NEK9: variants seen among roughly 807,000 people sequenced by gnomAD.
The protein encoded by NEK9 is serine/threonine-protein kinase Nek9.
In NEK9, 75 loss-of-function variants were observed where a neutral mutation model predicts 123.4. The observed-to-expected ratio is 0.61, with a 90% CI of 0.50 to 0.74. The LOEUF (loss-of-function observed/expected upper bound fraction) is 0.74. Among genes scored for constraint, NEK9 ranks in the 30% least tolerant of loss-of-function variants. The probability of loss-of-function intolerance (pLI) is 0.00; values close to 1 mark genes in which losing one functional copy is unlikely to be tolerated. For missense variants in NEK9, 952 were observed against 1,214.4 expected, an observed-to-expected ratio of 0.78 and a Z score of 3.21; for synonymous variants, 438 against 458.7, an observed-to-expected ratio of 0.95 and a Z score of 0.58.
intron 7 of NEK9, 106 bp downstream of exon 7, chr14:75,114,097 G>T: frequency 1.4e-6 from 1 of 737,876 alleles, no homozygotes; most frequent in East Asian, 2.6e-5. Flanking sequence ...ACTCTACCCT[G>T]GGGAAGTGGA....
Position 75,084,650 on chromosome 14 carries a change from C to T in NEK9, c.2854G>A (p.Glu952Lys), listed in dbSNP as rs766946654. The change falls in exon 22 of 22, where the codon GAA becomes AAA. Residue 952 changes from glutamate (E) to lysine (K), a missense_variant. By Grantham distance (56) the Glu-to-Lys change is moderately conservative. Around this residue, in one of 4 missense-constraint regions of NEK9, gnomAD observed 698 missense variants for 875.6 expected, o/e 0.80. Coordinates refer to ENST00000238616, the MANE Select transcript of NEK9 (RefSeq NM_033116.6). ...MHSKGTQTAK[E>K]EMEMDPKPDL... is the part of the protein sequence containing the mutation. ...GGCTTTGGATCCATTTCCATCTCTTCCTTTGCTGTCTGAGTTCCTTTGGAA... is the reference window on the plus strand; with the variant it reads ...GGCTTTGGATCCATTTCCATCTCTTTCTTTGCTGTCTGAGTTCCTTTGGAA... 1.9e-6 allele frequency: 3 copies of T among 1,614,160 alleles called. No individual in the cohort carries two copies. Among genetic ancestry groups the T allele is most frequent in the South Asian group, 1.1e-5 (1 of 91,088 alleles).
chr14:75,117,960 G>A (rs1452950107), intron 5 of NEK9, among the ~76,000 whole-genome samples: 2 of 152,154 alleles, frequency 1.3e-5, no homozygotes, highest in Admixed American at 1.3e-4. Flanking sequence ...GCAAAGCAAA[G>A]CAAATTTCAG....
chr14:75,091,437 C>T lies in NEK9; in HGVS notation c.2275G>A (p.Gly759Ser), dbSNP rs777758507. The change falls in exon 19 of 22, where the codon GGT becomes AGT. Residue 759 changes from glycine (G) to serine (S), a missense_variant. Gly to Ser is a moderately conservative substitution (Grantham distance 56, BLOSUM62 0). Transcript: ENST00000238616. ...TGCTGACTGTCCTCTTCTTCACCAC[C>T]GCCGCCCCCGCCGCCTCCTCCCGGG... ...SSPGGGGGGG[G>S]GEEEDSQQES... 94 of 1,606,454 alleles carry T rather than the reference C, an allele frequency of 5.9e-5. No homozygotes were observed. The highest frequency in any genetic ancestry group is 5.8e-4 in the East Asian group (26 of 44,836).
chr14:75,107,449 G>A lies in NEK9; in HGVS notation c.1221C>T (p.Gly407=), dbSNP rs769438351. 8 of 1,613,122 alleles carry A rather than the reference G, an allele frequency of 5.0e-6. No homozygotes were observed. In the South Asian group the frequency reaches 8.8e-5, roughly 18 times the overall value. Residue 407 remains glycine (G), a synonymous_variant, in exon 11 of 22, where the codon GGC becomes GGT. Transcript: ENST00000238616. ...GTCGATAGGAGGCTTTGTCTCCATG[G>A]CCCAGCTGACCATGGAGTTTAGTGC... ...QGGTKLHGQL[G]HGDKASYRQP...
At chr14:75,119,243 G>T (rs1195953996) in intron 4 of NEK9, among the ~76,000 whole-genome samples, 1 of 151,950 alleles carries the variant, frequency 6.6e-6, no homozygotes, top group Non-Finnish European at 1.5e-5. Flanking sequence ...AGCCCAGGAG[G>T]CTGAGGCTGC....
chr14:75,124,348 T>C (rs540740495), intron 1 of NEK9, 125 bp from the exon 2 acceptor site: 5 of 746,262 alleles, frequency 6.7e-6, no homozygotes, highest in South Asian at 2.0e-5. Context: ...TCTTATTTTT[T>C]CCTTTTAACA....
intron 16 of NEK9, among the ~76,000 whole-genome samples, chr14:75,099,149 A>C (rs1217502009): frequency 6.6e-6 from 1 of 152,172 alleles, no homozygotes; most frequent in Non-Finnish European, 1.5e-5. Context: ...AAAGTTGATG[A>C]GTCAAAAGAT....
At chr14:75,116,263 T>C (rs566874179) in intron 6 of NEK9, among the ~76,000 whole-genome samples, 2 of 152,220 alleles carry the variant, frequency 1.3e-5, no homozygotes, top group South Asian at 2.1e-4. Context: ...TTGGGTAACA[T>C]AGTGAGAACC....
At chr14:75,114,990 TATATACACACATACATATACACACAC>T (rs1360924085) in intron 6 of NEK9, among the ~76,000 whole-genome samples, 1 of 151,650 alleles carries the variant, frequency 6.6e-6, no homozygotes, top group Non-Finnish European at 1.5e-5. Context: ...TATATACACA[TATATACACACATACATATACACACAC>T]ATATATGTGT....
At chr14:75,109,556 GCTTCCATTCCATCACCC>G (rs1352647570) in intron 10 of NEK9, 112 bp downstream of exon 10, 1 of 779,718 alleles carries the variant, frequency 1.3e-6, no homozygotes, top group African/African-American at 1.8e-5. Flanking sequence ...TCTTATAAGA[GCTTCCATTCCATCACCC>G]CATGTTGCCA....
chr14:75,082,902 A>C lies in NEK9; in HGVS notation c.*1662T>G. 1 of 398,516 alleles carries C rather than the reference A, an allele frequency of 2.5e-6. No homozygotes were observed. The highest frequency in any genetic ancestry group is 4.4e-6 in the Non-Finnish European group (1 of 226,062). 24.7% of individuals were successfully genotyped at this position (398,516 alleles called of 1,614,324 possible). A position where few individuals can be genotyped will look rare whatever the true frequency, so the allele number is the denominator to read the frequency against. ...TAATCAAAGTTTGGCTGCTTCCCTTATTTCAAGAAAAGGTTTCAGTGATTA... is the reference window on the plus strand; with the variant it reads ...TAATCAAAGTTTGGCTGCTTCCCTTCTTTCAAGAAAAGGTTTCAGTGATTA... On this transcript the variant is annotated 3_prime_UTR_variant, in exon 22 of 22. Transcript: ENST00000238616.
At chr14:75,100,127 TCAAAAAAAAAAAAAAAAAA>T in intron 16 of NEK9, among the ~76,000 whole-genome samples, 1 of 21,710 alleles carries the variant, frequency 4.6e-5, no homozygotes, top group African/African-American at 1.9e-4. Context: ...AGACTCCATC[TCAAAAAAAAAAAAAAAAAA>T]AAAAAAAAAA....
chr14:75,107,942 A>C (rs1391121673), intron 10 of NEK9, among the ~76,000 whole-genome samples: 1 of 152,118 alleles, frequency 6.6e-6, no homozygotes, highest in East Asian at 1.9e-4. Context: ...GGTGAAAAAA[A>C]TTCTTTATAA....
intron 11 of NEK9, among the ~76,000 whole-genome samples, chr14:75,107,021 C>T (rs1417208192): frequency 6.6e-6 from 1 of 151,984 alleles, no homozygotes; most frequent in Non-Finnish European, 1.5e-5. Context: ...AATGACAAGA[C>T]CAAAACTAAA....
At chr14:75,095,255 A>G (rs1484750753) in intron 18 of NEK9, 117 bp downstream of exon 18, 2 of 662,852 alleles carry the variant, frequency 3.0e-6, no homozygotes. Context: ...TAACCACTGT[A>G]TTCCTCACTT....
intron 10 of NEK9, among the ~76,000 whole-genome samples, chr14:75,108,092 C>T (rs1460713728): frequency 6.6e-6 from 1 of 151,736 alleles, no homozygotes; most frequent in Non-Finnish European, 1.5e-5. Flanking sequence ...GGCTGCTATA[C>T]AGCAATGAGA....
chr14:75,114,719 G>A (rs564216604), intron 6 of NEK9, among the ~76,000 whole-genome samples: 1 of 152,068 alleles, frequency 6.6e-6, no homozygotes, highest in Non-Finnish European at 1.5e-5. Flanking sequence ...AGATAAGGCA[G>A]TAATAATAAT....
At position 75,082,491 on chromosome 14, in the gene NEK9, C is replaced by T. The variant is rs931498446; in HGVS notation, c.*2073G>A. 1.3e-5 allele frequency: 2 copies of T among 152,720 alleles called. No homozygotes were observed. Among genetic ancestry groups the T allele is most frequent in the African/African-American group, 4.8e-5 (2 of 41,450 alleles). The allele number at this position is 152,720 out of a possible 1,614,324, so 9.5% of individuals were successfully genotyped here. ...GGGAAAGTGCAAACTGTCTCTAAGG[C>T]ACAGAACTTAGATTCTCAGCCAGAT... On this transcript the variant is annotated 3_prime_UTR_variant, in exon 22 of 22. Transcript: ENST00000238616.
At chr14:75,118,459 A>G (rs887417133) in intron 5 of NEK9, among the ~76,000 whole-genome samples, 1 of 152,238 alleles carries the variant, frequency 6.6e-6, no homozygotes, top group African/African-American at 2.4e-5. Flanking sequence ...CTTGAAATAT[A>G]GGGTTCTCTT....
Sources: gnomAD v4.1 joint callset for allele counts (sites outside exome capture counted in the v4.1 genomes callset) on GRCh38, gnomAD v4.1.1 for gene constraint, gnomAD v4.1.1 regional missense constraint, MANE v1.5 for transcripts, NCBI Gene and HGNC (gene_info 2026-07-23, HGNC 2026-07-21) for gene names.